ZNF33B: variants seen among roughly 807,000 people sequenced by gnomAD.
ZNF33B encodes zinc finger protein 33B.
In ZNF33B, 29 loss-of-function variants were observed where a neutral mutation model predicts 45.8. The ratio of observed to expected loss-of-function variants is 0.63; its 90% CI spans 0.47 to 0.86. ZNF33B has a LOEUF of 0.86. ZNF33B is among the 40% of genes least tolerant of loss of function. The pLI, the probability that ZNF33B is intolerant of heterozygous loss-of-function variation, is 0.00. For synonymous variants in ZNF33B, 305 were observed against 307.8 expected (o/e 0.99, Z 0.10); for missense variants, 831 against 909.9 (o/e 0.91, Z 1.12).
chr10:42,612,390 C>T (rs1838138121), intron 4 of ZNF33B, among the ~76,000 whole-genome samples: 1 of 152,062 alleles, frequency 6.6e-6, no homozygotes, highest in African/African-American at 2.4e-5. Context: ...GCGTGCTTCA[C>T]CACGCCCAGC....
chr10:42,587,869 G>A (rs1199078360), downstream of ZNF33B, among the ~76,000 whole-genome samples: 1 of 152,148 alleles, frequency 6.6e-6, no homozygotes, highest in African/African-American at 2.4e-5. Flanking sequence ...ATTCTTAGGG[G>A]TCAGGAAATC....
At chr10:42,615,507 G>A (rs532461603) in intron 4 of ZNF33B, among the ~76,000 whole-genome samples, 2 of 152,308 alleles carry the variant, frequency 1.3e-5, no homozygotes, top group South Asian at 4.1e-4. Flanking sequence ...GAAACATCCA[G>A]ATTAGGCAAA....
chr10:42,618,849 G>T (rs1218100532), intron 4 of ZNF33B, among the ~76,000 whole-genome samples: 1 of 151,938 alleles, frequency 6.6e-6, no homozygotes, highest in African/African-American at 2.4e-5. Context: ...CGTTTCCCAA[G>T]GTTTTGTTCA....
At chr10:42,633,445 A>C (rs1467104205) in intron 2 of ZNF33B, among the ~76,000 whole-genome samples, 1 of 152,208 alleles carries the variant, frequency 6.6e-6, no homozygotes, top group African/African-American at 2.4e-5. Flanking sequence ...AAAGGACAAA[A>C]CAACATTTAC....
chr10:42,587,232 C>T (rs1192238534), downstream of ZNF33B, among the ~76,000 whole-genome samples: 1 of 152,126 alleles, frequency 6.6e-6, no homozygotes, highest in Non-Finnish European at 1.5e-5. Flanking sequence ...TGGAGTCTTG[C>T]TCTCTTGCCC....
At chr10:42,622,319 C>A (rs1249790429) in intron 4 of ZNF33B, among the ~76,000 whole-genome samples, 2 of 152,130 alleles carry the variant, frequency 1.3e-5, no homozygotes, top group African/African-American at 4.8e-5. Flanking sequence ...GCATTTTTAC[C>A]AAAATAAAAA....
downstream of ZNF33B, among the ~76,000 whole-genome samples, chr10:42,587,045 G>A (rs547134146): frequency 1.3e-5 from 2 of 152,194 alleles, no homozygotes; most frequent in African/African-American, 2.4e-5. Flanking sequence ...ATGTCAGAAA[G>A]GAGAGGGGCA....
At chr10:42,615,846 AC>A (rs1838288882) in intron 4 of ZNF33B, among the ~76,000 whole-genome samples, 1 of 151,762 alleles carries the variant, frequency 6.6e-6, no homozygotes, top group Non-Finnish European at 1.5e-5. Context: ...AATCGCTTGA[AC>A]CCAGGAGGTG....
intron 4 of ZNF33B, among the ~76,000 whole-genome samples, chr10:42,631,059 C>G (rs1839029319): frequency 6.6e-6 from 1 of 152,164 alleles, no homozygotes; most frequent in African/African-American, 2.4e-5. Flanking sequence ...TAATGTTGAC[C>G]TCAGTAAGGT....
chr10:42,598,750 T>C lies in ZNF33B; in HGVS notation c.251-4051A>G, dbSNP rs545431836. ...AAAGCCTGCCAGGGATTAACCACAC[T>C]TGGTCATGAGGTATTAATAACCTTG... On this transcript the variant is annotated intron_variant, in intron 4 of 4. Coordinates refer to ENST00000359467, the MANE Select transcript of ZNF33B (RefSeq NM_006955.3). Among the ~76,000 whole-genome samples, 28 of 152,296 alleles carry C rather than the reference T, an allele frequency of 1.8e-4. No homozygotes were observed. The South Asian group carries it at 5.6e-3, about 30-fold the overall frequency.
chr10:42,635,721 A>G (rs1160313736), intron 2 of ZNF33B, among the ~76,000 whole-genome samples: 1 of 151,656 alleles, frequency 6.6e-6, no homozygotes, highest in Non-Finnish European at 1.5e-5. Context: ...GAGGCAGGAG[A>G]ATCACTTGAA....
At chr10:42,634,521 G>A (rs1210516963) in intron 2 of ZNF33B, among the ~76,000 whole-genome samples, 1 of 152,188 alleles carries the variant, frequency 6.6e-6, no homozygotes, top group African/African-American at 2.4e-5. Flanking sequence ...GAACTAGGAA[G>A]AGCCAGGATT....
intron 4 of ZNF33B, among the ~76,000 whole-genome samples, chr10:42,617,544 T>A (rs541703930): frequency 1.1e-4 from 16 of 152,326 alleles, no homozygotes; most frequent in African/African-American, 3.8e-4. Flanking sequence ...ATTCATTCAA[T>A]CAATCTTATT....
chr10:42,601,548 A>G (rs544529173), intron 4 of ZNF33B, among the ~76,000 whole-genome samples: 9 of 135,188 alleles, frequency 6.7e-5, no homozygotes, highest in Middle Eastern at 4.6e-3. Context: ...TCTCAGCCTC[A>G]CTGCAACTTC....
At chr10:42,623,586 ATGT>A (rs1253045022) in intron 4 of ZNF33B, among the ~76,000 whole-genome samples, 1 of 152,226 alleles carries the variant, frequency 6.6e-6, no homozygotes, top group African/African-American at 2.4e-5. Context: ...AAAAGGCCAA[ATGT>A]TGTCACACTA....
chr10:42,627,704 A>G (rs1254339994), intron 4 of ZNF33B, among the ~76,000 whole-genome samples: 1 of 152,112 alleles, frequency 6.6e-6, no homozygotes, highest in African/African-American at 2.4e-5. Flanking sequence ...CCTCCCACAT[A>G]TATTGATATG....
chr10:42,607,302 G>C (rs544612688), intron 4 of ZNF33B, among the ~76,000 whole-genome samples: 6 of 139,182 alleles, frequency 4.3e-5, no homozygotes, highest in Non-Finnish European at 7.6e-5. Flanking sequence ...AAATTAAAAC[G>C]TTATACTAAA....
At chr10:42,578,234 C>T (rs1836776717) in intron 1 of ZNF33B, among the ~76,000 whole-genome samples, 1 of 152,226 alleles carries the variant, frequency 6.6e-6, no homozygotes, top group Non-Finnish European at 1.5e-5. Flanking sequence ...AAAGACCCAG[C>T]GAGGCTTTGG....
At position 42,592,600 on chromosome 10, in the gene ZNF33B, T is replaced by C; in HGVS notation, c.*13A>G. ...GGAGGCTGACTTGTGGCTGGAAATT[T>C]CTAATATCCAATTCATTCATAAGGT... On this transcript the variant is annotated 3_prime_UTR_variant, in exon 5 of 5. Coordinates refer to ENST00000359467, the MANE Select transcript of ZNF33B (RefSeq NM_006955.3). 1 of 1,604,616 alleles carries C rather than the reference T, an allele frequency of 6.2e-7. No homozygotes were observed. Among genetic ancestry groups the C allele is most frequent in the Non-Finnish European group, 8.5e-7 (1 of 1,175,098 alleles).
Sources: gnomAD v4.1 joint callset for allele counts (sites outside exome capture counted in the v4.1 genomes callset) on GRCh38, gnomAD v4.1.1 for gene constraint, MANE v1.5 for transcripts, NCBI Gene and HGNC (gene_info 2026-07-23, HGNC 2026-07-21) for gene names.